CORIN: variants seen among roughly 807,000 people sequenced by gnomAD.
CORIN encodes the protein atrial natriuretic peptide-converting enzyme.
CORIN carries 117 observed loss-of-function variants against 125.3 expected under a neutral mutation model. The observed-to-expected ratio is 0.93, with a 90% CI of 0.80 to 1.09. The LOEUF (loss-of-function observed/expected upper bound fraction) is 1.09. Ranked by LOEUF, CORIN falls within the 50% of genes least tolerant of loss-of-function variation. The probability of loss-of-function intolerance (pLI) is 0.00; values close to 1 mark genes in which losing one functional copy is unlikely to be tolerated. For missense variants in CORIN, 1,253 were observed against 1,306.7 expected (o/e 0.96, Z 0.63); for synonymous variants, 450 against 466.4 (o/e 0.96, Z 0.45).
At chr4:47,738,899 G>T (rs1728255777) in intron 5 of CORIN, among the ~76,000 whole-genome samples, 1 of 151,668 alleles carries the variant, frequency 6.6e-6, no homozygotes, top group Non-Finnish European at 1.5e-5. Flanking sequence ...TAGAAATTAT[G>T]CAGTAAAATA....
intron 19 of CORIN, among the ~76,000 whole-genome samples, chr4:47,612,855 C>G (rs889410700): frequency 1.3e-5 from 2 of 152,078 alleles, no homozygotes; most frequent in Non-Finnish European, 2.9e-5. Flanking sequence ...TGAATGTATC[C>G]CTCAAATATG....
chr4:47,629,695 G>A (rs936673506), intron 16 of CORIN, among the ~76,000 whole-genome samples: 2 of 151,972 alleles, frequency 1.3e-5, no homozygotes, highest in African/African-American at 2.4e-5. Context: ...TGCTACACAC[G>A]TTGTTCTGTG....
At chr4:47,611,516 A>G (rs140876172) in intron 19 of CORIN, among the ~76,000 whole-genome samples, 1 of 152,210 alleles carries the variant, frequency 6.6e-6, no homozygotes, top group Non-Finnish European at 1.5e-5. Flanking sequence ...GGTTTTCTAG[A>G]TATAGGATCA....
In CORIN at chr4:47,706,569, T is replaced by C. The variant is rs1726568445; in HGVS notation, c.800-13486A>G. The stretch of plus-strand genomic sequence containing the variant: ...GTTACGTTATACATAGGATTTGTGT[T>C]AGCCGTGGTGGCCGAAAACGCCCAG... On this transcript the variant is annotated intron_variant, in intron 5 of 21. Coordinates refer to ENST00000273857, the MANE Select transcript of CORIN (RefSeq NM_006587.4). 7 of 1,608,918 alleles carry C rather than the reference T, an allele frequency of 4.4e-6. No individual in the cohort carries two copies. The Admixed American group carries it at 1.2e-4, about 27-fold the overall frequency.
At chr4:47,745,549 TCCAGG>T (rs1244313380) in intron 4 of CORIN, among the ~76,000 whole-genome samples, 1 of 152,258 alleles carries the variant, frequency 6.6e-6, no homozygotes, top group Non-Finnish European at 1.5e-5. Flanking sequence ...ATGAGATAGT[TCCAGG>T]GAGATTCTAG....
rs748442889 is a variant in CORIN, at chr4:47,837,895, G to A, written c.55C>T (p.Pro19Ser). 90 of 1,613,642 alleles carry A rather than the reference G, an allele frequency of 5.6e-5. No homozygotes were observed. Among genetic ancestry groups the A allele is most frequent in the Non-Finnish European group, 6.8e-5 (80 of 1,179,938 alleles). The change falls in exon 1 of 22, where the codon CCA becomes TCA. Residue 19 changes from proline (P) to serine (S), a missense_variant. Coordinates refer to ENST00000273857, the MANE Select transcript of CORIN (RefSeq NM_006587.4). Reference sequence around the variant, plus strand: ...CGAATCATCGATCTTACCGGCTTTGGGGACCCGGCTCTGCGGCAGCGCTCT... The same window carrying A: ...CGAATCATCGATCTTACCGGCTTTGAGGACCCGGCTCTGCGGCAGCGCTCT... ...PEERCRRAGS[P>S]KPVLRADDNN...
At chr4:47,663,827 A>G (rs1286314365) in intron 11 of CORIN, among the ~76,000 whole-genome samples, 1 of 152,168 alleles carries the variant, frequency 6.6e-6, no homozygotes, top group African/African-American at 2.4e-5. Flanking sequence ...AGATACTTTT[A>G]AAAGTACTTA....
intron 12 of CORIN, among the ~76,000 whole-genome samples, chr4:47,661,329 T>A (rs959224729): frequency 6.6e-6 from 1 of 152,290 alleles, no homozygotes; most frequent in East Asian, 1.9e-4. Flanking sequence ...TAAAGGAGTA[T>A]AACTGGATTG....
chr4:47,802,622 G>C (rs1731594233), intron 2 of CORIN, among the ~76,000 whole-genome samples: 1 of 152,174 alleles, frequency 6.6e-6, no homozygotes, highest in Non-Finnish European at 1.5e-5. Context: ...AAAGTTCTAA[G>C]GTTTTTTACT....
chr4:47,806,281 T>C (rs1243192961), intron 2 of CORIN, among the ~76,000 whole-genome samples: 1 of 152,180 alleles, frequency 6.6e-6, no homozygotes, highest in East Asian at 1.9e-4. Context: ...TCCTTAGTAT[T>C]TAGTATGAAA....
chr4:47,686,885 A>C (rs1725544809), intron 6 of CORIN, among the ~76,000 whole-genome samples: 1 of 152,194 alleles, frequency 6.6e-6, no homozygotes, highest in Admixed American at 6.5e-5. Context: ...TACCCCTTTC[A>C]GAATCTGATT....
At chr4:47,739,727 A>G (rs963805928) in intron 5 of CORIN, among the ~76,000 whole-genome samples, 1 of 152,002 alleles carries the variant, frequency 6.6e-6, no homozygotes, top group African/African-American at 2.4e-5. Flanking sequence ...ATAATTTATA[A>G]TCATAATCAA....
At chr4:47,791,168 CCAATGTAAT>C (rs1327804578) in intron 2 of CORIN, among the ~76,000 whole-genome samples, 1 of 151,908 alleles carries the variant, frequency 6.6e-6, no homozygotes, top group Non-Finnish European at 1.5e-5. Flanking sequence ...TCAGGTGAGC[CCAATGTAAT>C]CACAAGGGTC....
chr4:47,757,347 A>G (rs999738248), intron 4 of CORIN, among the ~76,000 whole-genome samples: 15 of 152,234 alleles, frequency 9.9e-5, no homozygotes, highest in Non-Finnish European at 1.9e-4. Flanking sequence ...TAATCCCAGT[A>G]CTTTGGGAGG....
At chr4:47,829,074 C>T (rs538519826) in intron 1 of CORIN, among the ~76,000 whole-genome samples, 1 of 136,486 alleles carries the variant, frequency 7.3e-6, no homozygotes, top group East Asian at 2.4e-4. Flanking sequence ...AGGAGAATAG[C>T]GTGAACCCGG....
chr4:47,762,802 T>C (rs1729530031), intron 4 of CORIN, among the ~76,000 whole-genome samples: 1 of 151,960 alleles, frequency 6.6e-6, no homozygotes. Context: ...GGGTGGGAGG[T>C]GAGTGAGGTC....
chr4:47,796,147 C>T (rs1731279195), intron 2 of CORIN, among the ~76,000 whole-genome samples: 1 of 152,012 alleles, frequency 6.6e-6, no homozygotes, highest in Non-Finnish European at 1.5e-5. Flanking sequence ...TCAGGATCTC[C>T]TATCTGCACT....
intron 5 of CORIN, among the ~76,000 whole-genome samples, chr4:47,728,954 C>T (rs1350651826): frequency 6.6e-6 from 1 of 152,150 alleles, no homozygotes; most frequent in African/African-American, 2.4e-5. Flanking sequence ...AACCACTGTG[C>T]CACTTCAAGC....
At chr4:47,812,368 G>A (rs1732099564) in intron 1 of CORIN, among the ~76,000 whole-genome samples, 1 of 152,108 alleles carries the variant, frequency 6.6e-6, no homozygotes, top group Admixed American at 6.5e-5. Context: ...AGCCAAGCAT[G>A]GTGGTTGTTG....
Sources: allele counts gnomAD v4.1 joint callset (sites outside exome capture counted in the v4.1 genomes callset), GRCh38; gene constraint gnomAD v4.1.1; transcripts MANE v1.5; gene names NCBI Gene and HGNC (gene_info 2026-07-23, HGNC 2026-07-21).